The following CCT6B variants were observed in gnomAD, a reference collection of about 807,000 sequenced individuals.
The protein encoded by CCT6B is chaperonin containing TCP1 subunit 6B, also known as probable T-complex protein 1 subunit zeta-2.
A neutral mutation model predicts 61.5 loss-of-function variants in CCT6B; 49 were observed. That is an observed-to-expected ratio of 0.80 (90% CI 0.63 to 1.01). The LOEUF (loss-of-function observed/expected upper bound fraction) is 1.01, where lower values mean the gene tolerates loss of function less well. Ranked by LOEUF, CCT6B falls within the 50% of genes least tolerant of loss-of-function variation. The pLI is 0.00. For missense variants in CCT6B, 666 were observed against 634.7 expected (o/e 1.05, Z -0.53); for synonymous variants, 228 against 214.5 (o/e 1.06, Z -0.55).
intron 12 of CCT6B, 40 bp downstream of exon 12, chr17:34,930,904 GAATAA>G (rs760879009): frequency 3.0e-6 from 3 of 1,006,234 alleles, no homozygotes; most frequent in Non-Finnish European, 3.1e-6. Context: ...GGTAACTAAA[GAATAA>G]CCTCTTTATT....
chr17:34,950,163 T>A (rs1242640266), intron 5 of CCT6B, among the ~76,000 whole-genome samples: 1 of 152,208 alleles, frequency 6.6e-6, no homozygotes, highest in Non-Finnish European at 1.5e-5. Flanking sequence ...TATTTTAAAC[T>A]GAATAAAAAT....
chr17:34,944,640 T>C (rs2090203138), intron 5 of CCT6B, among the ~76,000 whole-genome samples: 2 of 152,212 alleles, frequency 1.3e-5, no homozygotes, highest in African/African-American at 4.8e-5. Context: ...AAGTAAATGT[T>C]TTCCAGCCAG....
chr17:34,947,442 T>C (rs1231646117), intron 5 of CCT6B, among the ~76,000 whole-genome samples: 2 of 152,234 alleles, frequency 1.3e-5, no homozygotes, highest in African/African-American at 2.4e-5. Context: ...AAAGGACTCA[T>C]GGCTAATTTC....
chr17:34,953,341 A>AT (rs201276129), intron 4 of CCT6B, among the ~76,000 whole-genome samples: 38 of 139,818 alleles, frequency 2.7e-4, no homozygotes, highest in African/African-American at 4.0e-4. Flanking sequence ...ATATATATAT[A>AT]TTTTTTTGAG....
chr17:34,946,643 A>C (rs1195397981), intron 5 of CCT6B, among the ~76,000 whole-genome samples: 1 of 152,236 alleles, frequency 6.6e-6, no homozygotes, highest in Non-Finnish European at 1.5e-5. Context: ...TGGGCAAAAA[A>C]TGCAAACTAC....
In CCT6B at chr17:34,940,592, A is replaced by C; in HGVS notation, c.915T>G (p.Leu305=). The part of the protein sequence containing the change: ...KGIDPFSLDS[L]AKHGIVALRR... ...GAAGAGCTACTATTCCATGTTTTGC[A>C]AGAGAATCTAAGGAAAATGGATCAA... The change falls in exon 8 of 14, where the codon CTT becomes CTG. Residue 305 remains leucine, a synonymous_variant. Transcript: ENST00000314144. 6.4e-7 allele frequency: 1 copy of C among 1,567,240 alleles called. No homozygotes were observed.
chr17:34,960,351 T>C (rs2090398000), intron 1 of CCT6B, among the ~76,000 whole-genome samples: 1 of 152,232 alleles, frequency 6.6e-6, no homozygotes, highest in South Asian at 2.1e-4. Context: ...TAATATACCA[T>C]GTTTTGTTTC....
Position 34,961,428 on chromosome 17 carries a change from C to T in CCT6B, c.-35G>A, listed in dbSNP as rs929414503. Reference sequence around the variant, plus strand: ...GTTCAGAGGGAGAAAAAAAAAAAGCCTTAGTCGCGATTCTGAGCAAAAACG... The same window carrying T: ...GTTCAGAGGGAGAAAAAAAAAAAGCTTTAGTCGCGATTCTGAGCAAAAACG... On this transcript the variant is annotated 5_prime_UTR_variant, in exon 1 of 14. Transcript: ENST00000314144. 1.9e-6 allele frequency: 3 copies of T among 1,565,892 alleles called. No homozygotes were observed. Among genetic ancestry groups the T allele is most frequent in the African/African-American group, 2.8e-5 (2 of 72,716 alleles).
At chr17:34,936,438 G>A (rs2090094808) in intron 10 of CCT6B, among the ~76,000 whole-genome samples, 1 of 152,112 alleles carries the variant, frequency 6.6e-6, no homozygotes, top group Non-Finnish European at 1.5e-5. Context: ...TGGAGGTTCT[G>A]GCCCATGAAA....
At chr17:34,944,938 A>G (rs751778873) in intron 5 of CCT6B, among the ~76,000 whole-genome samples, 2 of 152,280 alleles carry the variant, frequency 1.3e-5, no homozygotes, top group Non-Finnish European at 2.9e-5. Flanking sequence ...AAAAGAAAAA[A>G]AAAGTAAATG....
In CCT6B at chr17:34,952,551, C is replaced by T. The variant is rs936495435; in HGVS notation, c.511-498G>A. On this transcript the variant is annotated intron_variant, in intron 4 of 13. Transcript: ENST00000314144. Reference sequence around the variant, plus strand: ...GTTTTATCGTGAAAAGTTTCCATGTCATCCCATAATATGTTTATCTCAATG... The same window carrying T: ...GTTTTATCGTGAAAAGTTTCCATGTTATCCCATAATATGTTTATCTCAATG... Among the ~76,000 whole-genome samples, 20 of 152,156 alleles carry T rather than the reference C, an allele frequency of 1.3e-4. 1 individual carries two copies. The highest frequency in any genetic ancestry group is 1.6e-4 in the Non-Finnish European group (11 of 68,020).
chr17:34,932,485 C>A lies in CCT6B; in HGVS notation c.1229G>T (p.Gly410Val). ...NAIEDGCMVP[G>V]AGAIEVAMAE... ...CATTGCCACTTCAATTGCACCAGCTCCAGGAACCATACAACCTATTGGAGA... is the reference window on the plus strand; with the variant it reads ...CATTGCCACTTCAATTGCACCAGCTACAGGAACCATACAACCTATTGGAGA... The change falls in exon 11 of 14, where the codon GGA becomes GTA. Residue 410 changes from glycine (G) to valine (V), a missense_variant. Coordinates refer to ENST00000314144, the MANE Select transcript of CCT6B (RefSeq NM_006584.4). 2 of 1,610,052 alleles carry A rather than the reference C, an allele frequency of 1.2e-6. No individual in the cohort carries two copies. Among genetic ancestry groups the A allele is most frequent in the Non-Finnish European group, 1.7e-6 (2 of 1,178,452 alleles).
chr17:34,951,433 T>C (rs1002403582), intron 5 of CCT6B, among the ~76,000 whole-genome samples: 1 of 152,230 alleles, frequency 6.6e-6, no homozygotes, highest in Admixed American at 6.5e-5. Flanking sequence ...GGAAATTCCC[T>C]ATTCTGTTCT....
chr17:34,939,868 T>C (rs2090140740), intron 8 of CCT6B, among the ~76,000 whole-genome samples, 155 bp from the exon 9 acceptor site: 1 of 152,112 alleles, frequency 6.6e-6, no homozygotes, highest in African/African-American at 2.4e-5. Context: ...ATTTATCGAG[T>C]ACAACATGAT....
chr17:34,959,512 T>G, intron 2 of CCT6B, 75 bp downstream of exon 2: 2 of 1,073,900 alleles, frequency 1.9e-6, no homozygotes, highest in Non-Finnish European at 2.9e-6. Flanking sequence ...AGCCTTGGCT[T>G]AAAGATACAC....
At chr17:34,942,674 G>A (rs747756576) in intron 6 of CCT6B, 31 bp from the exon 7 acceptor site, 28 of 1,555,496 alleles carry the variant, frequency 1.8e-5, no homozygotes, top group Non-Finnish European at 2.3e-5. Flanking sequence ...AGCTAGTAAA[G>A]GCAGGAGGAA....
At chr17:34,939,863 T>A in intron 8 of CCT6B, 150 bp from the exon 9 acceptor site, 1 of 622,278 alleles carries the variant, frequency 1.6e-6, no homozygotes, top group Non-Finnish European at 2.9e-6. Flanking sequence ...TCTATATTTA[T>A]CGAGTACAAC....
chr17:34,953,437 C>T (rs929929993), intron 4 of CCT6B, among the ~76,000 whole-genome samples: 1 of 151,420 alleles, frequency 6.6e-6, no homozygotes, highest in African/African-American at 2.4e-5. Flanking sequence ...CAGAGTGATT[C>T]TCCTGCCTTA....
intron 11 of CCT6B, 88 bp downstream of exon 11, chr17:34,932,279 T>A: frequency 8.6e-7 from 1 of 1,160,838 alleles, no homozygotes. Context: ...ACCTGTCTAC[T>A]CCATTAACTA....
Sources: allele counts gnomAD v4.1 joint callset (sites outside exome capture counted in the v4.1 genomes callset), GRCh38; gene constraint gnomAD v4.1.1; transcripts MANE v1.5; gene names NCBI Gene and HGNC (gene_info 2026-07-23, HGNC 2026-07-21).